CPNE8: variants seen among roughly 807,000 people sequenced by gnomAD.
CPNE8 encodes copine 8.
A neutral mutation model predicts 81.5 loss-of-function variants in CPNE8; 45 were observed. The observed-to-expected ratio is 0.55, with a 90% CI of 0.44 to 0.71. The LOEUF (loss-of-function observed/expected upper bound fraction) is 0.71, where lower values mean the gene tolerates loss of function less well. CPNE8 is among the 30% of genes least tolerant of loss of function. CPNE8 has a pLI of 0.00. For synonymous variants in CPNE8, 252 were observed against 226.3 expected (o/e 1.11, Z -1.02); for missense variants, 594 against 672.1 (o/e 0.88, Z 1.28).
In CPNE8 at chr12:38,700,071, A is replaced by C. The variant is rs572863089; in HGVS notation, c.961+2804T>G. ...TATTTTGTATTTAGTTTTCTTGCCT[A>C]ATGGTCTTGGCTACAACCTCCAGTA... On this transcript the variant is annotated intron_variant, in intron 14 of 19. Transcript: ENST00000331366. Among the ~76,000 whole-genome samples, 4 of 152,162 alleles carry C rather than the reference A, an allele frequency of 2.6e-5. No individual in the cohort carries two copies. The East Asian group carries it at 5.8e-4, about 22-fold the overall frequency.
intron 1 of CPNE8, among the ~76,000 whole-genome samples, chr12:38,899,376 T>C (rs1403664367): frequency 6.6e-6 from 1 of 152,044 alleles, no homozygotes; most frequent in East Asian, 1.9e-4. Flanking sequence ...TGGCAGCCTG[T>C]AACCTGAAAA....
At chr12:38,731,360 C>T (rs1180255135) in intron 10 of CPNE8, among the ~76,000 whole-genome samples, 1 of 151,930 alleles carries the variant, frequency 6.6e-6, no homozygotes, top group East Asian at 1.9e-4. Context: ...CTTTTATGGA[C>T]CTTGCAATCA....
chr12:38,792,976 C>T (rs988236695), intron 6 of CPNE8, among the ~76,000 whole-genome samples: 1 of 151,692 alleles, frequency 6.6e-6, no homozygotes, highest in Non-Finnish European at 1.5e-5. Context: ...GAATAAAGAA[C>T]AAAAAACTAC....
At chr12:38,690,757 A>C (rs1939656412) in intron 15 of CPNE8, among the ~76,000 whole-genome samples, 2 of 152,214 alleles carry the variant, frequency 1.3e-5, no homozygotes, top group South Asian at 2.1e-4. Flanking sequence ...TAAACCTCTC[A>C]TTTAGCTTAA....
At position 38,750,648 on chromosome 12, in the gene CPNE8, TCC is replaced by T. The variant is rs1404263687; in HGVS notation, c.722+10197_722+10198del. 3.3e-5 allele frequency among the ~76,000 whole-genome samples: 5 copies of T among 152,358 alleles called. No homozygotes were observed. The East Asian group carries it at 9.7e-4, about 29-fold the overall frequency. The stretch of plus-strand genomic sequence containing the variant: ...TAGCCCCTTTGTTTTGGCCAATGTC[TCC>T]CTTTTGGAATAGCTGTATTTATCCA... On this transcript the variant is annotated intron_variant, in intron 10 of 19. Transcript: ENST00000331366.
chr12:38,836,467 G>C (rs1943382701), intron 5 of CPNE8, among the ~76,000 whole-genome samples: 2 of 151,948 alleles, frequency 1.3e-5, no homozygotes, highest in South Asian at 4.1e-4. Context: ...TTTGACCCAA[G>C]AGTCTTAAGT....
intron 13 of CPNE8, among the ~76,000 whole-genome samples, chr12:38,709,951 G>C (rs1389250075): frequency 6.6e-6 from 1 of 151,790 alleles, no homozygotes; most frequent in African/African-American, 2.4e-5. Context: ...TGGATTCCTG[G>C]GGATCAGTGA....
intron 2 of CPNE8, among the ~76,000 whole-genome samples, chr12:38,874,085 C>A (rs1194295360): frequency 1.3e-5 from 2 of 151,172 alleles, no homozygotes; most frequent in African/African-American, 2.4e-5. Flanking sequence ...TAGGCATGAA[C>A]CACCTTGCCC....
At chr12:38,875,596 A>G (rs1944054566) in intron 1 of CPNE8, among the ~76,000 whole-genome samples, 1 of 152,174 alleles carries the variant, frequency 6.6e-6, no homozygotes, top group Non-Finnish European at 1.5e-5. Context: ...CCTTTTTCAT[A>G]TAAATCTGGC....
intron 6 of CPNE8, among the ~76,000 whole-genome samples, chr12:38,828,544 C>G (rs1467074544): frequency 6.6e-6 from 1 of 151,990 alleles, no homozygotes; most frequent in Non-Finnish European, 1.5e-5. Flanking sequence ...TAATGCCTTG[C>G]CATTTCAAGT....
At chr12:38,794,250 G>T (rs1452138444) in intron 6 of CPNE8, among the ~76,000 whole-genome samples, 1 of 152,024 alleles carries the variant, frequency 6.6e-6, no homozygotes, top group African/African-American at 2.4e-5. Flanking sequence ...ATGCTCAACA[G>T]GGTGAAAAAG....
At chr12:38,865,572 T>C (rs1943902215) in intron 3 of CPNE8, among the ~76,000 whole-genome samples, 1 of 152,144 alleles carries the variant, frequency 6.6e-6, no homozygotes, top group East Asian at 1.9e-4. Flanking sequence ...AACTATTCTA[T>C]AGTGTTAGAA....
chr12:38,687,699 A>G (rs969299922), intron 15 of CPNE8, among the ~76,000 whole-genome samples: 4 of 152,144 alleles, frequency 2.6e-5, no homozygotes, highest in African/African-American at 9.7e-5. Context: ...AAAGCTTTCT[A>G]CAAGGCTGGG....
At chr12:38,846,639 T>C (rs1178008643) in intron 4 of CPNE8, among the ~76,000 whole-genome samples, 1 of 152,082 alleles carries the variant, frequency 6.6e-6, no homozygotes. Flanking sequence ...TTTAGTTGAG[T>C]ATGACAAGAA....
chr12:38,828,611 T>G (rs975226771), intron 6 of CPNE8, among the ~76,000 whole-genome samples: 13 of 152,154 alleles, frequency 8.5e-5, no homozygotes, highest in African/African-American at 2.7e-4. Flanking sequence ...TTTTTGAGTT[T>G]GAGATTCTTA....
chr12:38,729,219 A>G (rs947626066), intron 11 of CPNE8, among the ~76,000 whole-genome samples: 1 of 152,114 alleles, frequency 6.6e-6, no homozygotes, highest in African/African-American at 2.4e-5. Flanking sequence ...TTACGTAATT[A>G]CAACCTGTCT....
intron 1 of CPNE8, among the ~76,000 whole-genome samples, chr12:38,882,783 A>G (rs10506131): frequency 0.04 from 6,138 of 152,186 alleles, 298 homozygotes; most frequent in African/African-American, 0.11. Flanking sequence ...ACCTCTATCC[A>G]TATTATTTCT....
chr12:38,782,133 T>C (rs1450320068), intron 6 of CPNE8, among the ~76,000 whole-genome samples: 1 of 152,186 alleles, frequency 6.6e-6, no homozygotes, highest in Non-Finnish European at 1.5e-5. Flanking sequence ...AAGATGTTAA[T>C]GTTAGAAGAA....
chr12:38,893,198 C>T (rs1255293618), intron 1 of CPNE8, among the ~76,000 whole-genome samples: 1 of 152,188 alleles, frequency 6.6e-6, no homozygotes, highest in African/African-American at 2.4e-5. Context: ...GCAACTCCAT[C>T]TTGAATAGGG....
Sources: allele counts gnomAD v4.1 joint callset (sites outside exome capture counted in the v4.1 genomes callset), GRCh38; gene constraint gnomAD v4.1.1; transcripts MANE v1.5; gene names NCBI Gene and HGNC (gene_info 2026-07-23, HGNC 2026-07-21).